The following AUTS2 variants were observed in gnomAD, a reference collection of about 807,000 sequenced individuals.
AUTS2 encodes autism susceptibility gene 2 protein.
AUTS2 carries 17 observed loss-of-function variants against 112.4 expected under a neutral mutation model. That is an observed-to-expected ratio of 0.15 (90% CI 0.10 to 0.23). The LOEUF (loss-of-function observed/expected upper bound fraction) is 0.23, where lower values mean the gene tolerates loss of function less well. Ranked by LOEUF, AUTS2 falls within the 10% of genes least tolerant of loss-of-function variation. AUTS2 has a pLI of 1.00. For synonymous variants in AUTS2, 751 were observed against 702.7 expected, an observed-to-expected ratio of 1.07 and a Z score of -1.09; for missense variants, 1,510 against 1,701.6, an observed-to-expected ratio of 0.89 and a Z score of 1.98.
In AUTS2 at chr7:70,247,928, T is replaced by C. The variant is rs1282379108; in HGVS notation, c.660+113357T>C. The stretch of plus-strand genomic sequence containing the variant: ...GAAGTTCCCTTCATTTCTAGTTTGC[T>C]GAGATTTAATTTTTATCATGAATGA... On this transcript the variant is annotated intron_variant, in intron 4 of 18. Coordinates refer to ENST00000342771, the MANE Select transcript of AUTS2 (RefSeq NM_015570.4). Among the ~76,000 whole-genome samples, 6 of 152,190 alleles carry C rather than the reference T, an allele frequency of 3.9e-5. No individual in the cohort carries two copies. The East Asian group carries it at 1.2e-3, about 29-fold the overall frequency.
chr7:70,491,681 C>T (rs1231644011), intron 5 of AUTS2, among the ~76,000 whole-genome samples: 1 of 151,256 alleles, frequency 6.6e-6, no homozygotes, highest in African/African-American at 2.4e-5. Flanking sequence ...GTGGCGCAAT[C>T]TCAGCTCACT....
chr7:70,530,613 G>A (rs991052567), intron 5 of AUTS2, among the ~76,000 whole-genome samples: 3 of 152,108 alleles, frequency 2.0e-5, no homozygotes, highest in Admixed American at 6.6e-5. Flanking sequence ...GTGGTTCTCT[G>A]CCCTCCCTCT....
intron 2 of AUTS2, among the ~76,000 whole-genome samples, chr7:69,947,344 C>T (rs1343626315): frequency 6.6e-6 from 1 of 152,126 alleles, no homozygotes. Context: ...CACATATGGG[C>T]ATCTTGGCGA....
chr7:69,920,927 A>T (rs1795784166), intron 2 of AUTS2, among the ~76,000 whole-genome samples: 1 of 152,222 alleles, frequency 6.6e-6, no homozygotes, highest in Non-Finnish European at 1.5e-5. Flanking sequence ...CTGTAAAAAA[A>T]TACTCTTGGA....
intron 13 of AUTS2, among the ~76,000 whole-genome samples, chr7:70,775,623 C>T (rs1034076646): frequency 1.3e-5 from 2 of 151,914 alleles, no homozygotes; most frequent in African/African-American, 4.8e-5. Context: ...TCAACGAGTC[C>T]GATCTCTTGT....
intron 1 of AUTS2, among the ~76,000 whole-genome samples, chr7:69,769,158 A>C (rs1788555568): frequency 6.6e-6 from 1 of 152,252 alleles, no homozygotes; most frequent in South Asian, 2.1e-4. Flanking sequence ...CCTTAACATT[A>C]AGTGCTGCTG....
At position 70,790,831 on chromosome 7, in the gene AUTS2, C is replaced by A. The variant is rs567354186; in HGVS notation, c.3615C>A (p.Asn1205Lys). 4 of 1,606,816 alleles carry A rather than the reference C, an allele frequency of 2.5e-6. No homozygotes were observed. Among genetic ancestry groups the A allele is most frequent in the Non-Finnish European group, 3.4e-6 (4 of 1,176,038 alleles). Residue 1205 changes from asparagine to lysine, a missense_variant, in exon 19 of 19, where the codon AAC becomes AAA. This residue lies in a region of AUTS2 where 788 missense variants were observed against 797.6 expected (regional missense o/e 0.99). Coordinates refer to ENST00000342771, the MANE Select transcript of AUTS2 (RefSeq NM_015570.4). The surrounding 1 kb of genome is among the most constrained non-coding windows in gnomAD (Gnocchi z 7.6). ...TCAGCCCCACCGCGGGCAACCAGAA[C>A]GGACTCCTCAACAAGACCCCTCCGA... is the stretch of plus-strand genomic sequence containing the variant. ...PRISPTAGNQ[N>K]GLLNKTPPTA...
intron 1 of AUTS2, among the ~76,000 whole-genome samples, chr7:69,898,582 A>G (rs1794847369): frequency 6.6e-6 from 1 of 152,138 alleles, no homozygotes; most frequent in African/African-American, 2.4e-5. Flanking sequence ...TGAAATGCTT[A>G]CCTGTAGTTT....
At chr7:70,436,595 T>G (rs944348590) in intron 5 of AUTS2, 1 of 152,392 alleles carries the variant, frequency 6.6e-6, no homozygotes, top group African/African-American at 2.4e-5. Flanking sequence ...AATATCACGG[T>G]TTCTGTATTG....
chr7:70,668,968 G>A (rs1807494341), intron 5 of AUTS2, among the ~76,000 whole-genome samples: 1 of 152,218 alleles, frequency 6.6e-6, no homozygotes. Context: ...TCCCTTACAG[G>A]CGAAGAGAGA....
At chr7:69,896,659 CTCCTT>C (rs1378935731) in intron 1 of AUTS2, among the ~76,000 whole-genome samples, 1 of 152,088 alleles carries the variant, frequency 6.6e-6, no homozygotes, top group Admixed American at 6.6e-5. Context: ...AACTAGTTGA[CTCCTT>C]TATTTATGTA....
At chr7:70,339,201 A>G (rs1791143648) in intron 4 of AUTS2, among the ~76,000 whole-genome samples, 1 of 152,084 alleles carries the variant, frequency 6.6e-6, no homozygotes, top group African/African-American at 2.4e-5. Flanking sequence ...CTCATTTTAA[A>G]AACAAGTAAC....
intron 5 of AUTS2, among the ~76,000 whole-genome samples, chr7:70,489,448 G>A (rs1396943156): frequency 6.6e-6 from 1 of 152,154 alleles, no homozygotes; most frequent in Admixed American, 6.5e-5. Context: ...TCTGTGTAAA[G>A]GTATTGCTTA....
At chr7:70,665,447 T>TTA (rs1807288282) in intron 5 of AUTS2, among the ~76,000 whole-genome samples, 1 of 134,042 alleles carries the variant, frequency 7.5e-6, no homozygotes, top group Non-Finnish European at 1.6e-5. Context: ...ATTTATCTAT[T>TTA]TATCTATTTA....
intron 5 of AUTS2, among the ~76,000 whole-genome samples, chr7:70,479,732 A>G (rs1797716436): frequency 6.6e-6 from 1 of 152,106 alleles, no homozygotes. Context: ...AGTTTATATC[A>G]GATGTGGAAG....
intron 5 of AUTS2, among the ~76,000 whole-genome samples, chr7:70,510,305 C>G (rs894006061): frequency 6.6e-6 from 1 of 152,220 alleles, no homozygotes; most frequent in Non-Finnish European, 1.5e-5. Context: ...CTCTCTTAAA[C>G]TTTATCTTTC....
intron 5 of AUTS2, among the ~76,000 whole-genome samples, chr7:70,581,207 AC>A (rs35714398): frequency 2.0e-5 from 3 of 151,848 alleles, no homozygotes; most frequent in Admixed American, 6.6e-5. Flanking sequence ...ACGTGGTGAA[AC>A]CCCCATCTCT....
At chr7:69,921,327 GTTTTTTTTTT>G (rs11289784) in intron 2 of AUTS2, among the ~76,000 whole-genome samples, 1 of 90,404 alleles carries the variant, frequency 1.1e-5, no homozygotes, top group African/African-American at 4.2e-5. Context: ...TAGACTTGAA[GTTTTTTTTTT>G]TTTTTTTTTT....
chr7:69,790,783 A>T (rs1021910778), intron 1 of AUTS2, among the ~76,000 whole-genome samples: 1 of 152,234 alleles, frequency 6.6e-6, no homozygotes, highest in African/African-American at 2.4e-5. Flanking sequence ...TGTAAAGGCC[A>T]TTAATGGAGA....
Sources: gnomAD v4.1 joint callset for allele counts (sites outside exome capture counted in the v4.1 genomes callset) on GRCh38, gnomAD v4.1.1 for gene constraint, gnomAD v4.1.1 regional missense constraint, Gnocchi (gnomAD v3.1) non-coding constraint, MANE v1.5 for transcripts, NCBI Gene and HGNC (gene_info 2026-07-23, HGNC 2026-07-21) for gene names.